VEPH1: variants seen among roughly 807,000 people sequenced by gnomAD.
The protein encoded by VEPH1 is ventricular zone-expressed PH domain-containing protein homolog 1.
Under a neutral mutation model 85.2 loss-of-function variants are expected in VEPH1, and 80 were observed. That is an observed-to-expected ratio of 0.94 (90% CI 0.78 to 1.13). The LOEUF (loss-of-function observed/expected upper bound fraction) is 1.13. VEPH1 is among the 50% of genes most tolerant of loss of function. VEPH1 has a pLI of 0.00. For missense variants in VEPH1, 955 were observed against 980.5 expected (o/e 0.97, Z 0.35); for synonymous variants, 297 against 348.0 (o/e 0.85, Z 1.63).
chr3:157,342,352 CA>C (rs1203903396), intron 9 of VEPH1, among the ~76,000 whole-genome samples: 1 of 151,274 alleles, frequency 6.6e-6, no homozygotes, highest in East Asian at 1.9e-4. Flanking sequence ...AAATGGAAAA[CA>C]AAAAAAAGGC....
chr3:157,313,303 G>A (rs1389928111), intron 11 of VEPH1, among the ~76,000 whole-genome samples: 1 of 151,916 alleles, frequency 6.6e-6, no homozygotes, highest in Non-Finnish European at 1.5e-5. Flanking sequence ...TGAGTAGCTG[G>A]GATTACAGAT....
intron 7 of VEPH1, among the ~76,000 whole-genome samples, chr3:157,371,557 C>A (rs546703874): frequency 1.3e-5 from 2 of 152,250 alleles, no homozygotes; most frequent in South Asian, 4.2e-4. Context: ...GGTTCTGATC[C>A]CAGATCTACT....
intron 9 of VEPH1, among the ~76,000 whole-genome samples, chr3:157,350,716 G>A (rs950993733): frequency 1.3e-5 from 2 of 152,094 alleles, no homozygotes; most frequent in Non-Finnish European, 2.9e-5. Flanking sequence ...GAAATGATCT[G>A]AACAGATATT....
intron 5 of VEPH1, among the ~76,000 whole-genome samples, chr3:157,417,582 G>C (rs939715212): frequency 3.3e-5 from 5 of 152,182 alleles, no homozygotes; most frequent in Non-Finnish European, 5.9e-5. Flanking sequence ...CCAGATTCCA[G>C]TGTCTTTTTT....
chr3:157,308,907 T>A (rs955180494), intron 11 of VEPH1, among the ~76,000 whole-genome samples: 4 of 152,148 alleles, frequency 2.6e-5, no homozygotes, highest in Non-Finnish European at 4.4e-5. Context: ...AGTGAACTAA[T>A]TGATGTTAAA....
intron 10 of VEPH1, chr3:157,315,757 A>T (rs752871862): frequency 9.2e-5 from 14 of 152,048 alleles, no homozygotes; most frequent in Non-Finnish European, 1.5e-5. Flanking sequence ...CAAAATCAAT[A>T]AAATAATACT....
rs1303049242 is a variant in VEPH1 at position 157,260,994 on chromosome 3, CCTT to C, written c.*137_*139del. 13 of 1,214,848 alleles carry C rather than the reference CCTT, an allele frequency of 1.1e-5. No homozygotes were observed. Among genetic ancestry groups the C allele is most frequent in the Admixed American group, 6.8e-5 (3 of 44,192 alleles). The allele number at this position is 1,214,848 out of a possible 1,614,324, so 75.3% of individuals were successfully genotyped here. On this transcript the variant is annotated 3_prime_UTR_variant, in exon 14 of 14. Coordinates refer to ENST00000362010, the MANE Select transcript of VEPH1 (RefSeq NM_001167912.2). ...TACTAAGAATCCTGCCATTTTAGGC[CCTT>C]CTTCTTAAAGGACAACAATTCCATT...
chr3:157,296,242 G>A (rs1718128610), intron 11 of VEPH1, among the ~76,000 whole-genome samples: 1 of 152,204 alleles, frequency 6.6e-6, no homozygotes, highest in Non-Finnish European at 1.5e-5. Context: ...AAATATGGAA[G>A]AAATGTAAAC....
At chr3:157,373,053 T>C (rs1727689800) in intron 7 of VEPH1, among the ~76,000 whole-genome samples, 1 of 152,226 alleles carries the variant, frequency 6.6e-6, no homozygotes, top group Non-Finnish European at 1.5e-5. Context: ...TTCACTGTTC[T>C]AAATCTGGTA....
intron 7 of VEPH1, among the ~76,000 whole-genome samples, chr3:157,373,884 C>A (rs1486569229): frequency 6.6e-6 from 1 of 152,214 alleles, no homozygotes; most frequent in Non-Finnish European, 1.5e-5. Flanking sequence ...GCCCGAGTCT[C>A]TACCCTACTG....
chr3:157,423,854 CCTTT>C (rs1347490155), intron 5 of VEPH1, among the ~76,000 whole-genome samples: 31 of 152,218 alleles, frequency 2.0e-4, no homozygotes, highest in Non-Finnish European at 4.0e-4. Flanking sequence ...TTCTTTCTTG[CCTTT>C]CTTTGAGTAA....
At chr3:157,489,354 A>G (rs1390970147) in intron 2 of VEPH1, 2 of 353,222 alleles carry the variant, frequency 5.7e-6, no homozygotes, top group South Asian at 2.2e-5. Context: ...TTTGTACTTA[A>G]TGGTCCTTCT....
chr3:157,303,558 G>A (rs929093227), intron 11 of VEPH1, among the ~76,000 whole-genome samples: 3 of 152,040 alleles, frequency 2.0e-5, no homozygotes, highest in Non-Finnish European at 4.4e-5. Flanking sequence ...AAAAGCCTCC[G>A]AACTCTGTAT....
chr3:157,442,035 T>A lies in VEPH1; in HGVS notation c.530-13547A>T, dbSNP rs4028388. Reference sequence around the variant, plus strand: ...TTAACTGATAGTGATTCAACTTTTTTAAAAAAAAGCAGTAACAAAGAAAAT... The same window carrying A: ...TTAACTGATAGTGATTCAACTTTTTAAAAAAAAAGCAGTAACAAAGAAAAT... On this transcript the variant is annotated intron_variant, in intron 4 of 13. Coordinates refer to ENST00000362010, the MANE Select transcript of VEPH1 (RefSeq NM_001167912.2). Among the ~76,000 whole-genome samples, 1,119 of 152,074 alleles carry A rather than the reference T, an allele frequency of 7.4e-3. 14 individuals carry two copies. Among genetic ancestry groups the A allele is most frequent in the African/African-American group, 0.025 (1,041 of 41,480 alleles).
intron 2 of VEPH1, among the ~76,000 whole-genome samples, chr3:157,484,051 T>C (rs530650560): frequency 1.3e-5 from 2 of 152,172 alleles, no homozygotes; most frequent in South Asian, 4.1e-4. Flanking sequence ...AGTGAAACCA[T>C]AGAACACCAA....
intron 5 of VEPH1, among the ~76,000 whole-genome samples, chr3:157,415,575 C>T (rs66698722): frequency 0.12 from 18,398 of 151,964 alleles, 1,315 homozygotes; most frequent in South Asian, 0.27. Context: ...AATCTCTTCT[C>T]AGCTTTAGCC....
chr3:157,455,759 C>T (rs1735322435), intron 4 of VEPH1, among the ~76,000 whole-genome samples: 1 of 152,108 alleles, frequency 6.6e-6, no homozygotes, highest in Admixed American at 6.6e-5. Flanking sequence ...CATGATCTTG[C>T]TCTTTTTTAC....
chr3:157,451,788 T>C (rs1404792964), intron 4 of VEPH1, among the ~76,000 whole-genome samples: 4 of 152,160 alleles, frequency 2.6e-5, no homozygotes, highest in Admixed American at 6.5e-5. Context: ...TGTTTTAAAA[T>C]GAAGACCAGA....
At chr3:157,481,294 C>T (rs1738015640) in intron 2 of VEPH1, among the ~76,000 whole-genome samples, 1 of 151,776 alleles carries the variant, frequency 6.6e-6, no homozygotes, top group Non-Finnish European at 1.5e-5. Flanking sequence ...GAAAGAAGCT[C>T]ATGGATTGGA....
Sources: gnomAD v4.1 joint callset for allele counts (sites outside exome capture counted in the v4.1 genomes callset) on GRCh38, gnomAD v4.1.1 for gene constraint, MANE v1.5 for transcripts, NCBI Gene and HGNC (gene_info 2026-07-23, HGNC 2026-07-21) for gene names.